ICA1L: variants seen among roughly 807,000 people sequenced by gnomAD.
ICA1L encodes the protein islet cell autoantigen 1-like protein.
In ICA1L, 50 loss-of-function variants were observed where a neutral mutation model predicts 61.3. That is an observed-to-expected ratio of 0.82 (90% CI 0.65 to 1.03). The LOEUF is 1.03. ICA1L is among the 50% of genes least tolerant of loss of function. The pLI is 0.00. For synonymous variants in ICA1L, 161 were observed against 191.3 expected (o/e 0.84, Z 1.31); for missense variants, 508 against 556.7 (o/e 0.91, Z 0.88).
At chr2:202,804,998 T>G (rs752731651) in intron 9 of ICA1L, among the ~76,000 whole-genome samples, 2 of 152,172 alleles carry the variant, frequency 1.3e-5, no homozygotes, top group Non-Finnish European at 2.9e-5. Flanking sequence ...TATATCAAAA[T>G]GTATGGACCT....
chr2:202,774,170 T>C lies in ICA1L; in HGVS notation c.*5363A>G. 6.5e-7 allele frequency: 1 copy of C among 1,549,592 alleles called. No individual in the cohort carries two copies. Among genetic ancestry groups the C allele is most frequent in the Non-Finnish European group, 8.7e-7 (1 of 1,145,254 alleles). On this transcript the variant is annotated 3_prime_UTR_variant, in exon 13 of 13. Coordinates refer to ENST00000358299, the MANE Select transcript of ICA1L (RefSeq NM_001288622.3). ...TGTTGATGCTTCATATCTGAGCGGC[T>C]TCTTGGAGAGCGGGCACACCAGGAA...
chr2:202,867,010 T>C (rs954176023), intron 1 of ICA1L, among the ~76,000 whole-genome samples: 1 of 152,166 alleles, frequency 6.6e-6, no homozygotes, highest in African/African-American at 2.4e-5. Flanking sequence ...AATGATTTCT[T>C]AGACTATTTA....
intron 10 of ICA1L, among the ~76,000 whole-genome samples, chr2:202,795,905 T>A (rs1692910520): frequency 6.6e-6 from 1 of 151,954 alleles, no homozygotes; most frequent in Admixed American, 6.6e-5. Flanking sequence ...TAGCTGGGCA[T>A]GGTGGCGCAC....
intron 11 of ICA1L, among the ~76,000 whole-genome samples, chr2:202,787,310 C>T (rs1475418620): frequency 6.6e-6 from 1 of 152,174 alleles, no homozygotes; most frequent in Admixed American, 6.5e-5. Flanking sequence ...TTGATAATTG[C>T]ATTGCCAGAA....
intron 9 of ICA1L, among the ~76,000 whole-genome samples, chr2:202,798,634 G>A (rs1693004845): frequency 6.6e-6 from 1 of 152,100 alleles, no homozygotes; most frequent in Non-Finnish European, 1.5e-5. Flanking sequence ...TCAAGTCAGG[G>A]TATTTAGTGT....
chr2:202,827,289 A>G (rs541701315), intron 2 of ICA1L, among the ~76,000 whole-genome samples: 24 of 152,164 alleles, frequency 1.6e-4, no homozygotes, highest in Admixed American at 5.2e-4. Flanking sequence ...AGCTATTCAG[A>G]AGCTGAGGCA....
intron 12 of ICA1L, among the ~76,000 whole-genome samples, 157 bp from the exon 13 acceptor site, chr2:202,779,805 T>TC: frequency 6.7e-6 from 1 of 148,190 alleles, no homozygotes. Flanking sequence ...TAAGATTTTT[T>TC]TTTTTTTTTT....
At position 202,775,545 on chromosome 2, in the gene ICA1L, A is replaced by G. The variant is rs1692193976; in HGVS notation, c.*3988T>C. The G allele has an allele frequency of 6.6e-6, 1 of 152,242 alleles. No homozygotes were observed. The highest frequency in any genetic ancestry group is 1.5e-5 in the Non-Finnish European group (1 of 68,050). The allele number at this position is 152,242 out of a possible 1,614,324, so 9.4% of individuals were successfully genotyped here. A position where few individuals can be genotyped will look rare whatever the true frequency, so the allele number is the denominator to read the frequency against. The stretch of plus-strand genomic sequence containing the variant: ...TCACAAGGATTTTCTTTTGAGACGG[A>G]GTCTCACTCTGTCACCCAGGCTGGA... On this transcript the variant is annotated 3_prime_UTR_variant, in exon 13 of 13. Transcript: ENST00000358299.
intron 1 of ICA1L, among the ~76,000 whole-genome samples, chr2:202,868,829 G>A (rs190775526): frequency 6.6e-6 from 1 of 151,930 alleles, no homozygotes; most frequent in Non-Finnish European, 1.5e-5. Flanking sequence ...TTAGCTGGGC[G>A]TGATGGCATG....
intron 1 of ICA1L, among the ~76,000 whole-genome samples, chr2:202,853,308 G>T (rs1694682202): frequency 6.7e-6 from 1 of 150,074 alleles, no homozygotes; most frequent in Admixed American, 6.7e-5. Flanking sequence ...AGTGAGCCGG[G>T]ACTGTGCCAC....
chr2:202,814,862 A>T, intron 7 of ICA1L, 78 bp from the exon 8 acceptor site: 1 of 966,770 alleles, frequency 1.0e-6, no homozygotes, highest in South Asian at 1.4e-5. Context: ...GAGAATATAA[A>T]TTCTAAAGAA....
At chr2:202,796,011 T>C (rs1167816442) in intron 10 of ICA1L, among the ~76,000 whole-genome samples, 2 of 151,504 alleles carry the variant, frequency 1.3e-5, no homozygotes, top group African/African-American at 4.9e-5. Flanking sequence ...CCACTGCTCT[T>C]CAGCCTGGAT....
chr2:202,825,536 G>A lies in ICA1L; in HGVS notation c.235+159C>T, dbSNP rs540203604. ...GATTTGATTAACTGAGGAAAGAAGA[G>A]AGAATACTGGGGCCTTTGAGAACAG... On this transcript the variant is annotated intron_variant, in intron 3 of 12. Coordinates refer to ENST00000358299, the MANE Select transcript of ICA1L (RefSeq NM_001288622.3). 45 of 1,349,460 alleles carry A rather than the reference G, an allele frequency of 3.3e-5. 2 individuals are homozygous for A. The Admixed American group carries it at 1.5e-3, about 44-fold the overall frequency. The allele number at this position is 1,349,460 out of a possible 1,614,324, so 83.6% of individuals were successfully genotyped here.
rs946852527 is a variant in ICA1L at position 202,871,763 on chromosome 2, T to A, written c.-152A>T. On this transcript the variant is annotated 5_prime_UTR_variant, in exon 1 of 13. Transcript: ENST00000358299. ...CCCTCCGCACCAGTGCGTGGAGGTG[T>A]CAGGCTCCCGCTGCGGGAGGCGGGA... The A allele has an allele frequency of 3.3e-5, 5 of 151,746 alleles. No individual in the cohort carries two copies. The East Asian group carries it at 9.8e-4, about 30-fold the overall frequency. 9.4% of individuals were successfully genotyped at this position (151,746 alleles called of 1,614,324 possible). A position where few individuals can be genotyped will look rare whatever the true frequency, so the allele number is the denominator to read the frequency against.
rs1310149968 is a variant in ICA1L at position 202,846,735 on chromosome 2, AT to A, written c.-7-17720del. Among the ~76,000 whole-genome samples the A allele has an allele frequency of 4.1e-3, 192 of 46,298 alleles. 6 individuals carry two copies. The highest frequency in any genetic ancestry group is 8.5e-3 in the Admixed American group (33 of 3,872). The allele number at this position is 46,298 out of a possible 152,430, so 30.4% of individuals were successfully genotyped here. On this transcript the variant is annotated intron_variant, in intron 1 of 12. Transcript: ENST00000358299. ...GCAAGCCCTTATCCAAAAGTGAGTC[AT>A]TCATTCATTCATTCATTCATTGTTA...
intron 10 of ICA1L, among the ~76,000 whole-genome samples, chr2:202,789,361 C>G (rs76233680): frequency 1.3e-5 from 2 of 152,054 alleles, no homozygotes; most frequent in South Asian, 4.1e-4. Flanking sequence ...AAAGGAGATG[C>G]AAAAGACATA....
chr2:202,841,177 C>T, intron 1 of ICA1L: 1 of 670,916 alleles, frequency 1.5e-6, no homozygotes, highest in South Asian at 1.5e-5. Flanking sequence ...ATATAAGCTT[C>T]ATCCACATAC....
At chr2:202,844,664 C>G (rs1397162143) in intron 1 of ICA1L, 1 of 152,194 alleles carries the variant, frequency 6.6e-6, no homozygotes, top group Non-Finnish European at 1.5e-5. Flanking sequence ...ACAAGCCACT[C>G]CTCCTCTAGA....
At chr2:202,857,050 T>C (rs1391283923) in intron 1 of ICA1L, among the ~76,000 whole-genome samples, 1 of 152,208 alleles carries the variant, frequency 6.6e-6, no homozygotes, top group Non-Finnish European at 1.5e-5. Flanking sequence ...AAAATGGCTA[T>C]AGTGCCCAAA....
Sources: allele counts gnomAD v4.1 joint callset (sites outside exome capture counted in the v4.1 genomes callset), GRCh38; gene constraint gnomAD v4.1.1; transcripts MANE v1.5; gene names NCBI Gene and HGNC (gene_info 2026-07-23, HGNC 2026-07-21).